The following TTC38 variants were observed in gnomAD, a reference collection of about 807,000 sequenced individuals.
The protein encoded by TTC38 is tetratricopeptide repeat protein 38.
Under a neutral mutation model 64.2 loss-of-function variants are expected in TTC38, and 64 were observed. The observed-to-expected ratio is 1.00, with a 90% CI of 0.81 to 1.23. The LOEUF is 1.23. TTC38 is among the 50% of genes most tolerant of loss of function. TTC38 has a pLI of 0.00. For synonymous variants in TTC38, 254 were observed against 249.3 expected, an observed-to-expected ratio of 1.02 and a Z score of -0.18; for missense variants, 573 against 615.5, an observed-to-expected ratio of 0.93 and a Z score of 0.73.
In TTC38 at chr22:46,273,768, G is replaced by A; in HGVS notation, c.194-130G>A. The A allele has an allele frequency of 1.2e-6, 1 of 848,618 alleles. No individual in the cohort carries two copies. Among genetic ancestry groups the A allele is most frequent in the Non-Finnish European group, 1.8e-6 (1 of 545,914 alleles). 52.6% of individuals were successfully genotyped at this position (848,618 alleles called of 1,614,324 possible). Reference sequence around the variant, plus strand: ...GTTCTAGACAGTAGGCAGGGCCACAGTGCCCAGCCTGCTGCTGCCTGGCTG... The same window carrying A: ...GTTCTAGACAGTAGGCAGGGCCACAATGCCCAGCCTGCTGCTGCCTGGCTG... On this transcript the variant is annotated intron_variant, in intron 3 of 13. Transcript: ENST00000381031. The surrounding 1 kb of genome is among the most constrained non-coding windows in gnomAD (Gnocchi z 5.1).
Position 46,272,493 on chromosome 22 carries a change from C to A in TTC38, c.193+77C>A. Reference sequence around the variant, plus strand: ...CTCTCTTTCCTTTACCACAGGGACACAGTTGGGATGGGGAAGGCAGGTTGG... The same window carrying A: ...CTCTCTTTCCTTTACCACAGGGACAAAGTTGGGATGGGGAAGGCAGGTTGG... On this transcript the variant is annotated intron_variant, in intron 3 of 13. Transcript: ENST00000381031. This position sits in a 1 kb window ranked among gnomAD's most constrained non-coding sequence, Gnocchi z 6.4. The A allele has an allele frequency of 7.7e-7, 1 of 1,298,016 alleles. No homozygotes were observed. The allele number at this position is 1,298,016 out of a possible 1,614,324, so 80.4% of individuals were successfully genotyped here. A position where few individuals can be genotyped will look rare whatever the true frequency, so the allele number is the denominator to read the frequency against.
chr22:46,285,243 C>CG lies in TTC38; in HGVS notation c.799dup (p.Glu267GlyfsTer3). ...TAAGGAGAACTTTATTCTTCCAGGG[C>CG]GAATATGAGGCCGCGCTGACCATCT... On this transcript the variant is annotated frameshift_variant, in exon 9 of 14. Transcript: ENST00000381031. LOFTEE classifies it high-confidence loss of function. 1 of 1,614,058 alleles carries CG rather than the reference C, an allele frequency of 6.2e-7. No homozygotes were observed. The highest frequency in any genetic ancestry group is 8.5e-7 in the Non-Finnish European group (1 of 1,179,932).
chr22:46,277,269 G>A (rs1445049068), intron 5 of TTC38, among the ~76,000 whole-genome samples: 1 of 152,006 alleles, frequency 6.6e-6, no homozygotes, highest in Non-Finnish European at 1.5e-5. Flanking sequence ...CTTGTTTCAT[G>A]TGTGACCACC....
chr22:46,287,986 G>A (rs549275558), intron 10 of TTC38, among the ~76,000 whole-genome samples: 1 of 152,192 alleles, frequency 6.6e-6, no homozygotes, highest in Non-Finnish European at 1.5e-5. Flanking sequence ...CCAACAGCAG[G>A]CTGAGGGGCA....
At position 46,273,897 on chromosome 22, in the gene TTC38, G is replaced by C. The variant is rs778688378; in HGVS notation, c.194-1G>C. 1 of 1,614,168 alleles carries C rather than the reference G, an allele frequency of 6.2e-7. No homozygotes were observed. Among genetic ancestry groups the C allele is most frequent in the Non-Finnish European group, 8.5e-7 (1 of 1,180,024 alleles). On this transcript the variant is annotated splice_acceptor_variant, in intron 3 of 13. Transcript: ENST00000381031. LOFTEE classifies it high-confidence loss of function. This position sits in a 1 kb window ranked among gnomAD's most constrained non-coding sequence, Gnocchi z 5.1. Reference sequence around the variant, plus strand: ...CCAGCCGTTCTCTAACCTCCCACCAGTGATGGGCCACGCCATGGCTACTGG... The same window carrying C: ...CCAGCCGTTCTCTAACCTCCCACCACTGATGGGCCACGCCATGGCTACTGG...
At position 46,270,884 on chromosome 22, in the gene TTC38, C is replaced by A. The variant is rs1285696990; in HGVS notation, c.112-1451C>A. 6.6e-6 allele frequency among the ~76,000 whole-genome samples: 1 copy of A among 151,536 alleles called. No homozygotes were observed. The highest frequency in any genetic ancestry group is 1.5e-5 in the Non-Finnish European group (1 of 67,908). ...GGGCGCAGTGGTGCACACCTGTAATCCCAGCTACTAAGGAGGGATTCTCCT... is the reference window on the plus strand; with the variant it reads ...GGGCGCAGTGGTGCACACCTGTAATACCAGCTACTAAGGAGGGATTCTCCT... On this transcript the variant is annotated intron_variant, in intron 2 of 13. Coordinates refer to ENST00000381031, the MANE Select transcript of TTC38 (RefSeq NM_017931.4). This position sits in a 1 kb window ranked among gnomAD's most constrained non-coding sequence, Gnocchi z 4.7.
chr22:46,288,111 G>T (rs2077584396), intron 10 of TTC38, among the ~76,000 whole-genome samples: 1 of 152,134 alleles, frequency 6.6e-6, no homozygotes, highest in African/African-American at 2.4e-5. Flanking sequence ...GAAGCCAAGG[G>T]TTGTGTGGGA....
chr22:46,275,752 A>G lies in TTC38; in HGVS notation c.539+331A>G, dbSNP rs557255129. On this transcript the variant is annotated intron_variant, in intron 5 of 13. Coordinates refer to ENST00000381031, the MANE Select transcript of TTC38 (RefSeq NM_017931.4). The surrounding 1 kb of genome is among the most constrained non-coding windows in gnomAD (Gnocchi z 4.5). Reference sequence around the variant, plus strand: ...CCTTAGAAGGGCTGAGGGCTCTGCCACCATGTCCTTGTCTCCATCTGGGAT... The same window carrying G: ...CCTTAGAAGGGCTGAGGGCTCTGCCGCCATGTCCTTGTCTCCATCTGGGAT... Among the ~76,000 whole-genome samples the G allele has an allele frequency of 1.1e-3, 172 of 152,336 alleles. No homozygotes were observed. Among genetic ancestry groups the G allele is most frequent in the Non-Finnish European group, 2.1e-3 (140 of 68,028 alleles).
chr22:46,287,865 G>GA (rs1015038124), intron 10 of TTC38, among the ~76,000 whole-genome samples: 1 of 152,250 alleles, frequency 6.6e-6, no homozygotes, highest in Admixed American at 6.5e-5. Flanking sequence ...AGAGACAAGG[G>GA]AAAGAGTTAC....
chr22:46,274,139 T>C lies in TTC38; in HGVS notation c.365+70T>C. The C allele has an allele frequency of 7.5e-6, 7 of 934,526 alleles. No individual in the cohort carries two copies. Among genetic ancestry groups the C allele is most frequent in the Middle Eastern group, 2.8e-4 (1 of 3,560 alleles). 57.9% of individuals were successfully genotyped at this position (934,526 alleles called of 1,614,324 possible). ...CTGGGGGAGTGGCAGGGTATCCCTT[T>C]CCTGATGCCCTTGGGACGGGGGCGG... On this transcript the variant is annotated intron_variant, in intron 4 of 13. Coordinates refer to ENST00000381031, the MANE Select transcript of TTC38 (RefSeq NM_017931.4). This position sits in a 1 kb window ranked among gnomAD's most constrained non-coding sequence, Gnocchi z 4.8.
At chr22:46,286,990 C>T in intron 9 of TTC38, 83 bp from the exon 10 acceptor site, 1 of 1,143,880 alleles carries the variant, frequency 8.7e-7, no homozygotes, top group Non-Finnish European at 1.3e-6. Context: ...CCCACCCCAC[C>T]TGGACAGGCT....
In TTC38 at chr22:46,292,146, C is replaced by A; in HGVS notation, c.1317-645C>A. 1 of 420,314 alleles carries A rather than the reference C, an allele frequency of 2.4e-6. No individual in the cohort carries two copies. The highest frequency in any genetic ancestry group is 1.8e-5 in the South Asian group (1 of 55,094). The allele number at this position is 420,314 out of a possible 1,614,324, so 26.0% of individuals were successfully genotyped here. A position where few individuals can be genotyped will look rare whatever the true frequency, so the allele number is the denominator to read the frequency against. On this transcript the variant is annotated intron_variant, in intron 13 of 13. Transcript: ENST00000381031. The surrounding 1 kb of genome is among the most constrained non-coding windows in gnomAD (Gnocchi z 6.5). Reference sequence around the variant, plus strand: ...CCTCACATGACCTTTCCTTTGAGTGCTAATTCTTTCACGTCTCTTCTTTCT... The same window carrying A: ...CCTCACATGACCTTTCCTTTGAGTGATAATTCTTTCACGTCTCTTCTTTCT...
chr22:46,283,191 G>A (rs753512940), intron 7 of TTC38, among the ~76,000 whole-genome samples: 15 of 151,902 alleles, frequency 9.9e-5, no homozygotes, highest in Non-Finnish European at 1.8e-4. Flanking sequence ...CTTCTGCCTC[G>A]GCCTCCCAAA....
intron 9 of TTC38, among the ~76,000 whole-genome samples, chr22:46,286,383 G>A (rs1026931336): frequency 5.3e-5 from 8 of 151,998 alleles, no homozygotes; most frequent in African/African-American, 9.7e-5. Context: ...AGGGTGGGCC[G>A]GGCACGGTGG....
chr22:46,284,804 G>C lies in TTC38; in HGVS notation c.796-437G>C, dbSNP rs547293016. On this transcript the variant is annotated intron_variant, in intron 8 of 13. Coordinates refer to ENST00000381031, the MANE Select transcript of TTC38 (RefSeq NM_017931.4). ...GAATCGCTTGAACCTGGGACGCGGA[G>C]GTTACAGTGAGCCGAGATTGTGCCA... Among the ~76,000 whole-genome samples, 3 of 145,542 alleles carry C rather than the reference G, an allele frequency of 2.1e-5. No homozygotes were observed. In the East Asian group the frequency reaches 6.1e-4, roughly 30 times the overall value.
intron 8 of TTC38, 120 bp downstream of exon 8, chr22:46,284,152 C>A: frequency 2.4e-6 from 2 of 827,198 alleles, no homozygotes; most frequent in Non-Finnish European, 3.9e-6. Flanking sequence ...GGAGCATTAA[C>A]ATTTCCAAAG....
Position 46,276,814 on chromosome 22 carries a change from A to T in TTC38, c.539+1393A>T, listed in dbSNP as rs977900994. Among the ~76,000 whole-genome samples the T allele has an allele frequency of 6.6e-4, 89 of 135,144 alleles. No individual in the cohort carries two copies. Among genetic ancestry groups the T allele is most frequent in the African/African-American group, 2.6e-3 (82 of 31,238 alleles). 88.7% of individuals were successfully genotyped at this position (135,144 alleles called of 152,430 possible). A position where few individuals can be genotyped will look rare whatever the true frequency, so the allele number is the denominator to read the frequency against. ...TATATTAAAAATTATATATTAAAAT[A>T]TATATATTAAATATATATATATATA... On this transcript the variant is annotated intron_variant, in intron 5 of 13. Coordinates refer to ENST00000381031, the MANE Select transcript of TTC38 (RefSeq NM_017931.4). The surrounding 1 kb of genome is among the most constrained non-coding windows in gnomAD (Gnocchi z 4.7).
Position 46,288,482 on chromosome 22 carries a change from G to T in TTC38, c.976G>T (p.Asp326Tyr). ...VLPVARKHSRDHILLFNDAHF... is the reference protein window; with the variant it reads ...VLPVARKHSRYHILLFNDAHF... ...GCCTGTGGCCCGGAAGCACAGCCGA[G>T]ACCACATCCTGCTGTTCAATGACGC... Residue 326 changes from aspartate (D) to tyrosine (Y), a missense_variant, in exon 11 of 14, where the codon GAC (aspartate) becomes TAC (tyrosine). Asp to Tyr is a radical substitution (Grantham distance 160, BLOSUM62 -3). This residue lies in a region of TTC38 where 371 missense variants were observed against 381.8 expected (regional missense o/e 0.97). Coordinates refer to ENST00000381031, the MANE Select transcript of TTC38 (RefSeq NM_017931.4). 1.2e-6 allele frequency: 2 copies of T among 1,614,028 alleles called. No individual in the cohort carries two copies. Among genetic ancestry groups the T allele is most frequent in the Non-Finnish European group, 1.7e-6 (2 of 1,179,936 alleles).
At chr22:46,286,979 C>A in intron 9 of TTC38, 94 bp from the exon 10 acceptor site, 1 of 957,892 alleles carries the variant, frequency 1.0e-6, no homozygotes, top group Non-Finnish European at 1.6e-6. Flanking sequence ...TCTATGCAGG[C>A]CCCACCCCAC....
Sources: allele counts gnomAD v4.1 joint callset (sites outside exome capture counted in the v4.1 genomes callset), GRCh38; gene constraint gnomAD v4.1.1; regional missense constraint gnomAD v4.1.1; non-coding constraint Gnocchi (gnomAD v3.1); transcripts MANE v1.5; gene names NCBI Gene and HGNC (gene_info 2026-07-23, HGNC 2026-07-21).